Variants in LUZP2 observed in about 807,000 individuals in gnomAD.
LUZP2 encodes the protein leucine zipper protein 2.
In LUZP2, 52 loss-of-function variants were observed where a neutral mutation model predicts 51.6. The observed-to-expected ratio is 1.01, with a 90% CI of 0.81 to 1.27. The LOEUF (loss-of-function observed/expected upper bound fraction) is 1.27, where lower values mean the gene tolerates loss of function less well. LUZP2 is among the 50% of genes most tolerant of loss of function. The pLI, the probability that LUZP2 is intolerant of heterozygous loss-of-function variation, is 0.00. For missense variants in LUZP2, 436 were observed against 395.4 expected (o/e 1.10, Z -0.87); for synonymous variants, 154 against 137.3 (o/e 1.12, Z -0.85).
chr11:24,865,416 C>T (rs138932060), intron 5 of LUZP2, among the ~76,000 whole-genome samples: 1 of 152,094 alleles, frequency 6.6e-6, no homozygotes, highest in Non-Finnish European at 1.5e-5. Context: ...GGTTAATTTG[C>T]CTATGGCAAA....
chr11:24,846,519 G>C (rs1851205219), intron 5 of LUZP2, among the ~76,000 whole-genome samples: 1 of 151,858 alleles, frequency 6.6e-6, no homozygotes. Flanking sequence ...TCAAAAGACA[G>C]CTGACCAAAA....
intron 5 of LUZP2, among the ~76,000 whole-genome samples, chr11:24,803,464 A>C (rs1849754271): frequency 6.6e-6 from 1 of 152,090 alleles, no homozygotes. Flanking sequence ...AAAATATTCT[A>C]AAAATAGAAT....
chr11:24,889,037 A>G (rs950827101), intron 5 of LUZP2, among the ~76,000 whole-genome samples: 9 of 152,328 alleles, frequency 5.9e-5, no homozygotes, highest in African/African-American at 2.2e-4. Flanking sequence ...TTATGAAAAC[A>G]CACTAATACA....
intron 5 of LUZP2, among the ~76,000 whole-genome samples, chr11:24,788,499 T>G (rs1849312911): frequency 6.6e-6 from 1 of 152,120 alleles, no homozygotes; most frequent in East Asian, 1.9e-4. Context: ...AGATGCCTAT[T>G]TCATACCTTC....
chr11:24,979,507 A>G (rs1245868605), intron 8 of LUZP2, among the ~76,000 whole-genome samples: 3 of 151,900 alleles, frequency 2.0e-5, no homozygotes, highest in African/African-American at 7.2e-5. Context: ...TGGAATTTAA[A>G]TAACCTTAAG....
chr11:24,995,530 C>A (rs1171817416), intron 9 of LUZP2, among the ~76,000 whole-genome samples: 1 of 151,964 alleles, frequency 6.6e-6, no homozygotes, highest in Non-Finnish European at 1.5e-5. Flanking sequence ...CATGTTACCT[C>A]ATTTTTTTCT....
At chr11:24,941,223 T>A (rs1162811310) in intron 7 of LUZP2, among the ~76,000 whole-genome samples, 1 of 152,192 alleles carries the variant, frequency 6.6e-6, no homozygotes, top group African/African-American at 2.4e-5. Flanking sequence ...AAACTTTAAC[T>A]CATATCATAG....
chr11:24,679,943 C>T (rs988386055), intron 1 of LUZP2, among the ~76,000 whole-genome samples: 4 of 152,074 alleles, frequency 2.6e-5, no homozygotes, highest in African/African-American at 4.8e-5. Context: ...CTGTGCTGAG[C>T]GATGAAGTGC....
At chr11:24,602,132 G>A (rs144349689) in intron 1 of LUZP2, among the ~76,000 whole-genome samples, 834 of 73,048 alleles carry the variant, frequency 0.011, 24 homozygotes, top group African/African-American at 0.05. Flanking sequence ...ATATGTATAT[G>A]TGTATATATG....
Position 24,900,485 on chromosome 11 carries a change from C to T in LUZP2, c.397-5506C>T, listed in dbSNP as rs147196433. ...TTCATCTAAAGACATAAGGGAACATCCCTGAAAATCCTGTGTACTCTTTTT... is the reference window on the plus strand; with the variant it reads ...TTCATCTAAAGACATAAGGGAACATTCCTGAAAATCCTGTGTACTCTTTTT... On this transcript the variant is annotated intron_variant, in intron 5 of 11. Coordinates refer to ENST00000336930, the MANE Select transcript of LUZP2 (RefSeq NM_001009909.4). 3.3e-3 allele frequency among the ~76,000 whole-genome samples: 510 copies of T among 152,270 alleles called. 4 individuals are homozygous for T. Among genetic ancestry groups the T allele is most frequent in the African/African-American group, 0.012 (478 of 41,562 alleles).
intron 1 of LUZP2, among the ~76,000 whole-genome samples, chr11:24,649,002 C>T (rs962532187): frequency 1.3e-5 from 2 of 152,020 alleles, no homozygotes; most frequent in African/African-American, 4.8e-5. Context: ...TATTCTAGTG[C>T]ATGTGCTTCC....
chr11:24,828,652 C>T (rs1346427755), intron 5 of LUZP2, among the ~76,000 whole-genome samples: 1 of 151,594 alleles, frequency 6.6e-6, no homozygotes, highest in Non-Finnish European at 1.5e-5. Flanking sequence ...TCATAACCTG[C>T]GTGAATAACA....
chr11:24,619,819 G>C (rs562446833), intron 1 of LUZP2, among the ~76,000 whole-genome samples: 7 of 152,124 alleles, frequency 4.6e-5, no homozygotes, highest in Non-Finnish European at 8.8e-5. Flanking sequence ...AAGAAAAAAA[G>C]TCTATACGTG....
chr11:24,926,338 TAC>T (rs1459966271), intron 7 of LUZP2, among the ~76,000 whole-genome samples: 1 of 110,210 alleles, frequency 9.1e-6, no homozygotes, highest in Non-Finnish European at 1.7e-5. Context: ...TATATATATA[TAC>T]GTGTGTATAT....
chr11:24,629,413 C>A (rs1178087996), intron 1 of LUZP2, among the ~76,000 whole-genome samples: 2 of 150,374 alleles, frequency 1.3e-5, no homozygotes, highest in Non-Finnish European at 3.0e-5. Context: ...TACATTTATT[C>A]TTTTTTATGG....
chr11:24,692,318 G>A (rs1448944959), intron 1 of LUZP2, among the ~76,000 whole-genome samples: 6 of 151,988 alleles, frequency 3.9e-5, no homozygotes, highest in East Asian at 3.9e-4. Flanking sequence ...CAGGTTCTAC[G>A]TTCCTGCAAC....
intron 4 of LUZP2, among the ~76,000 whole-genome samples, chr11:24,758,878 A>T (rs908184628): frequency 6.6e-6 from 1 of 152,014 alleles, no homozygotes; most frequent in African/African-American, 2.4e-5. Context: ...TCATTTTTTC[A>T]TTGATTGAAA....
chr11:24,648,024 C>A (rs1235416831), intron 1 of LUZP2, among the ~76,000 whole-genome samples: 1 of 151,868 alleles, frequency 6.6e-6, no homozygotes, highest in Admixed American at 6.6e-5. Context: ...CTTTCTTCAC[C>A]TGCTGTGCTA....
chr11:24,986,085 GT>G (rs1856179866), intron 9 of LUZP2, among the ~76,000 whole-genome samples: 1 of 151,522 alleles, frequency 6.6e-6, no homozygotes, highest in African/African-American at 2.4e-5. Flanking sequence ...ACTTTTCTAT[GT>G]CTATTTTGCT....
Sources: gnomAD v4.1 joint callset for allele counts (sites outside exome capture counted in the v4.1 genomes callset) on GRCh38, gnomAD v4.1.1 for gene constraint, MANE v1.5 for transcripts, NCBI Gene and HGNC (gene_info 2026-07-23, HGNC 2026-07-21) for gene names.